The following CLSPN variants were observed in gnomAD, a reference collection of about 807,000 sequenced individuals.
The protein encoded by CLSPN is claspin homolog.
In CLSPN, 85 loss-of-function variants were observed where a neutral mutation model predicts 156.3. That is an observed-to-expected ratio of 0.54 (90% CI 0.46 to 0.65). CLSPN has a LOEUF of 0.65. Ranked by LOEUF, CLSPN falls within the 30% of genes least tolerant of loss-of-function variation. CLSPN has a pLI of 0.00. For missense variants in CLSPN, 1,407 were observed against 1,554.9 expected (o/e 0.90, Z 1.60); for synonymous variants, 534 against 542.4 (o/e 0.98, Z 0.22).
chr1:35,769,451 T>TC (rs1642786031), intron 1 of CLSPN, among the ~76,000 whole-genome samples: 1 of 151,862 alleles, frequency 6.6e-6, no homozygotes, highest in Admixed American at 6.6e-5. Context: ...CTGCGGAGAA[T>TC]CCCCCCGCAC....
rs541292846 is a variant in CLSPN, at chr1:35,754,069, C to T, written c.1580-133G>A. 14 of 679,506 alleles carry T rather than the reference C, an allele frequency of 2.1e-5. No homozygotes were observed. The East Asian group carries it at 3.9e-4, about 19-fold the overall frequency. 42.1% of individuals were successfully genotyped at this position (679,506 alleles called of 1,614,324 possible). On this transcript the variant is annotated intron_variant, in intron 8 of 24. Coordinates refer to ENST00000318121, the MANE Select transcript of CLSPN (RefSeq NM_022111.4). ...ACATACACAGAGAAACCAAAAACCC[C>T]TTGCTACTAACTCCTGAGTCAAATT...
rs753663734 is a variant in CLSPN, at chr1:35,751,544, C to T, written c.1772-38G>A. On this transcript the variant is annotated intron_variant, in intron 9 of 24. Transcript: ENST00000318121. ...ATGTAGAAATGCTTTAGACATAATACAATAATTAGGTATGCATTTTAGGCA... is the reference window on the plus strand; with the variant it reads ...ATGTAGAAATGCTTTAGACATAATATAATAATTAGGTATGCATTTTAGGCA... 4 of 1,581,394 alleles carry T rather than the reference C, an allele frequency of 2.5e-6. No homozygotes were observed. In the African/African-American group the frequency reaches 4.1e-5, roughly 16 times the overall value.
chr1:35,751,061 C>T (rs1450909434), intron 10 of CLSPN, among the ~76,000 whole-genome samples, 189 bp downstream of exon 10: 1 of 151,322 alleles, frequency 6.6e-6, no homozygotes, highest in Non-Finnish European at 1.5e-5. Context: ...TAATGATGAT[C>T]TACAGATATT....
Position 35,736,602 on chromosome 1 carries a change from T to TTTA in CLSPN, c.3911_3913dup (p.Val1304_Lys1305insIle). ...AGTCATGAAAGATGGACCCCTTTTCTTTACCTAGAGAGCAGAGAGGGAGTC... is the reference window on the plus strand; with the variant it reads ...AGTCATGAAAGATGGACCCCTTTTCTTTATTACCTAGAGAGCAGAGAGGGAGTC... On this transcript the variant is annotated inframe_insertion, in exon 25 of 25. Coordinates refer to ENST00000318121, the MANE Select transcript of CLSPN (RefSeq NM_022111.4). 6.2e-7 allele frequency: 1 copy of TTTA among 1,610,392 alleles called. No individual in the cohort carries two copies. Among genetic ancestry groups the TTTA allele is most frequent in the Non-Finnish European group, 8.5e-7 (1 of 1,178,738 alleles).
chr1:35,723,505 A>G (rs901703214), intron 24 of CLSPN, among the ~76,000 whole-genome samples: 3 of 152,198 alleles, frequency 2.0e-5, no homozygotes, highest in Non-Finnish European at 4.4e-5. Flanking sequence ...TAATTTCTCA[A>G]TATCAGTATT....
intron 8 of CLSPN, among the ~76,000 whole-genome samples, chr1:35,760,079 G>A (rs993491758): frequency 1.6e-4 from 24 of 152,226 alleles, no homozygotes; most frequent in East Asian, 5.8e-4. Context: ...TGATCTGCCC[G>A]CCTTGGCCTC....
intron 1 of CLSPN, among the ~76,000 whole-genome samples, chr1:35,766,321 A>T (rs562309476): frequency 6.7e-6 from 1 of 149,338 alleles, no homozygotes; most frequent in South Asian, 2.1e-4. Context: ...TATTGCAAAG[A>T]AAAAAAAAAG....
intron 1 of CLSPN, among the ~76,000 whole-genome samples, chr1:35,765,831 G>A (rs1001628898): frequency 1.1e-4 from 17 of 152,116 alleles, no homozygotes; most frequent in Admixed American, 4.6e-4. Flanking sequence ...AAGTATTCCT[G>A]ACAGAACAAT....
chr1:35,735,885 G>A lies in CLSPN; in HGVS notation c.*611C>T, dbSNP rs1641451968. The A allele has an allele frequency of 1.0e-6, 1 of 985,036 alleles. No homozygotes were observed. Among genetic ancestry groups the A allele is most frequent in the Non-Finnish European group, 1.2e-6 (1 of 829,904 alleles). The allele number at this position is 985,036 out of a possible 1,614,324, so 61.0% of individuals were successfully genotyped here. A position where few individuals can be genotyped will look rare whatever the true frequency, so the allele number is the denominator to read the frequency against. ...TCACAAAGAGATATTAACCCAGAAA[G>A]CTGCTACAATAAAATGTCAAATGTC... is the stretch of plus-strand genomic sequence containing the variant. On this transcript the variant is annotated 3_prime_UTR_variant, in exon 25 of 25. Transcript: ENST00000318121.
Position 35,751,309 on chromosome 1 carries a change from CCT to C in CLSPN, c.1967_1968del (p.Glu656GlyfsTer27). ...TTCTCCTCCTCTTCCTCTAGTTCTT[CCT>C]CTTTCTCTTCTTTCTCTACCTTCTC... The part of the protein sequence containing the change: ...GEEKVEKEEK[E>X]EELEEEEEKE... On this transcript the variant is annotated frameshift_variant, in exon 10 of 25. Transcript: ENST00000318121. LOFTEE classifies it high-confidence loss of function. 1.9e-6 allele frequency: 3 copies of C among 1,589,596 alleles called. No homozygotes were observed. Among genetic ancestry groups the C allele is most frequent in the Non-Finnish European group, 2.6e-6 (3 of 1,166,626 alleles).
intron 10 of CLSPN, among the ~76,000 whole-genome samples, chr1:35,750,806 C>T (rs1337048496): frequency 6.6e-6 from 1 of 151,952 alleles, no homozygotes; most frequent in Non-Finnish European, 1.5e-5. Flanking sequence ...CCTTCTTCTA[C>T]AAAGAACGAA....
chr1:35,749,625 T>C lies in CLSPN; in HGVS notation c.2207+8A>G, dbSNP rs763715434. 1.2e-6 allele frequency: 2 copies of C among 1,613,672 alleles called. No homozygotes were observed. The highest frequency in any genetic ancestry group is 1.7e-5 in the Admixed American group (1 of 59,940). ...CAATTTTAAGTTTTCTTAGAGAGAA[T>C]CACTTACCCCATCTTGGAAGAGCTG... On this transcript the variant is annotated splice_region_variant and intron_variant, in intron 11 of 24. Transcript: ENST00000318121.
chr1:35,744,835 C>T lies in CLSPN; in HGVS notation c.2966+616G>A, dbSNP rs139944562. ...CTATTTTTATTTATTTATTTTGAGA[C>T]GGAGTTTTGTTCTTGTTGCCCAGGT... is the stretch of plus-strand genomic sequence containing the variant. On this transcript the variant is annotated intron_variant, in intron 16 of 24. Coordinates refer to ENST00000318121, the MANE Select transcript of CLSPN (RefSeq NM_022111.4). 5.1e-3 allele frequency among the ~76,000 whole-genome samples: 781 copies of T among 152,156 alleles called. 3 individuals are homozygous for T. The highest frequency in any genetic ancestry group is 8.1e-3 in the Admixed American group (124 of 15,264).
intron 8 of CLSPN, among the ~76,000 whole-genome samples, chr1:35,759,450 GA>G (rs1642399097): frequency 6.6e-6 from 1 of 152,068 alleles, no homozygotes; most frequent in African/African-American, 2.4e-5. Flanking sequence ...CATTATCAAA[GA>G]CATCATTTAC....
At chr1:35,752,721 A>G (rs1433524362) in intron 9 of CLSPN, among the ~76,000 whole-genome samples, 1 of 152,142 alleles carries the variant, frequency 6.6e-6, no homozygotes. Context: ...AGTGCTCTGC[A>G]TATCAGTTTC....
At position 35,734,174 on chromosome 1, in the gene CLSPN, T is replaced by C. The variant is rs1053123589; in HGVS notation, c.*2322A>G. The C allele has an allele frequency of 1.0e-5, 10 of 985,240 alleles. No individual in the cohort carries two copies. The Admixed American group carries it at 4.9e-4, about 49-fold the overall frequency. 61.0% of individuals were successfully genotyped at this position (985,240 alleles called of 1,614,324 possible). A position where few individuals can be genotyped will look rare whatever the true frequency, so the allele number is the denominator to read the frequency against. Reference sequence around the variant, plus strand: ...CCAGAGGGTTTCCCTGGGATGGAGATAACCTGAAAATGAAATGCTCCTCAA... The same window carrying C: ...CCAGAGGGTTTCCCTGGGATGGAGACAACCTGAAAATGAAATGCTCCTCAA... On this transcript the variant is annotated 3_prime_UTR_variant, in exon 25 of 25. Coordinates refer to ENST00000318121, the MANE Select transcript of CLSPN (RefSeq NM_022111.4).
At chr1:35,755,344 G>C (rs113836605) in intron 8 of CLSPN, among the ~76,000 whole-genome samples, 3 of 149,742 alleles carry the variant, frequency 2.0e-5, no homozygotes, top group African/African-American at 7.4e-5. Flanking sequence ...TCGGCTCACT[G>C]TAACCTCCAC....
In CLSPN at chr1:35,769,935, A is replaced by C. The variant is rs1642812680; in HGVS notation, c.-65T>G. On this transcript the variant is annotated 5_prime_UTR_variant, in exon 1 of 25. Transcript: ENST00000318121. ...TCTCTGATTCCCTCAGCCGGAGAGCAGCGGCTCCCGCCGTCTCCAGCCCAG... is the reference window on the plus strand; with the variant it reads ...TCTCTGATTCCCTCAGCCGGAGAGCCGCGGCTCCCGCCGTCTCCAGCCCAG... 7 of 1,579,228 alleles carry C rather than the reference A, an allele frequency of 4.4e-6. No individual in the cohort carries two copies. The South Asian group carries it at 7.9e-5, about 18-fold the overall frequency.
Position 35,738,057 on chromosome 1 carries a change from A to G in CLSPN, c.3599T>C (p.Ile1200Thr). 6.9e-7 allele frequency: 1 copy of G among 1,455,600 alleles called. No individual in the cohort carries two copies. The highest frequency in any genetic ancestry group is 9.2e-7 in the Non-Finnish European group (1 of 1,092,852). 90.2% of individuals were successfully genotyped at this position (1,455,600 alleles called of 1,614,324 possible). ...TATCATAAACTGACTGTCCTCCCCA[A>G]TTTCTTCTTCTTCTTCAGCTGTAAT... ...GKITAEEEEE[I>T]GEDSQFMILA... Residue 1200 changes from isoleucine (I) to threonine (T), a missense_variant, in exon 22 of 25, where the codon ATT becomes ACT. Physicochemically the swap from Ile to Thr is moderately conservative, Grantham distance 89 (BLOSUM62 -1). Coordinates refer to ENST00000318121, the MANE Select transcript of CLSPN (RefSeq NM_022111.4).
Sources: allele counts gnomAD v4.1 joint callset (sites outside exome capture counted in the v4.1 genomes callset), GRCh38; gene constraint gnomAD v4.1.1; transcripts MANE v1.5; gene names NCBI Gene and HGNC (gene_info 2026-07-23, HGNC 2026-07-21).